ZNF385D: variants seen among roughly 807,000 people sequenced by gnomAD.
ZNF385D encodes the protein zinc finger protein 659.
ZNF385D carries 15 observed loss-of-function variants against 35.8 expected under a neutral mutation model. The ratio of observed to expected loss-of-function variants is 0.42; its 90% CI spans 0.28 to 0.64. The LOEUF is 0.64. ZNF385D is among the 30% of genes least tolerant of loss of function. The pLI, the probability that ZNF385D is intolerant of heterozygous loss-of-function variation, is 0.23. For synonymous variants in ZNF385D, 212 were observed against 186.8 expected, an observed-to-expected ratio of 1.13 and a Z score of -1.10; for missense variants, 474 against 494.6, an observed-to-expected ratio of 0.96 and a Z score of 0.39.
At chr3:21,893,432 C>G (rs773147089) in intron 3 of ZNF385D, among the ~76,000 whole-genome samples, 7 of 152,116 alleles carry the variant, frequency 4.6e-5, no homozygotes, top group Non-Finnish European at 8.8e-5. Context: ...TTTTACTGCA[C>G]TGGTCTGTGG....
At chr3:22,078,735 G>C (rs1700592534) in intron 3 of ZNF385D, among the ~76,000 whole-genome samples, 1 of 152,160 alleles carries the variant, frequency 6.6e-6, no homozygotes, top group Admixed American at 6.6e-5. Flanking sequence ...GTATTGGCAA[G>C]TTGCAGAAGT....
chr3:22,155,254 G>A (rs1354617066), intron 3 of ZNF385D, among the ~76,000 whole-genome samples: 2 of 151,974 alleles, frequency 1.3e-5, no homozygotes, highest in Non-Finnish European at 2.9e-5. Flanking sequence ...TGATTGCTGT[G>A]GTAAAGAAAT....
At chr3:21,727,266 A>G (rs1020512680) in intron 1 of ZNF385D, among the ~76,000 whole-genome samples, 8 of 152,326 alleles carry the variant, frequency 5.3e-5, no homozygotes, top group Admixed American at 6.5e-5. Context: ...GGCATGGGCA[A>G]AGAATTTATG....
At chr3:21,854,104 A>T (rs1410739934) in intron 3 of ZNF385D, among the ~76,000 whole-genome samples, 1 of 151,904 alleles carries the variant, frequency 6.6e-6, no homozygotes, top group African/African-American at 2.4e-5. Context: ...TAAACAAGAA[A>T]GATAGTACTG....
chr3:21,549,501 A>G lies in ZNF385D; in HGVS notation c.276+15073T>C, dbSNP rs535420412. Among the ~76,000 whole-genome samples, 66 of 152,322 alleles carry G rather than the reference A, an allele frequency of 4.3e-4. 2 individuals are homozygous for G. The South Asian group carries it at 0.013, about 31-fold the overall frequency. ...AAGGTTGTGAGATAAAATGTGTCCC[A>G]AATGCCAACTCAGAGTATAAGCCCT... is the stretch of plus-strand genomic sequence containing the variant. On this transcript the variant is annotated intron_variant, in intron 3 of 7. Coordinates refer to ENST00000281523, the MANE Select transcript of ZNF385D (RefSeq NM_024697.3).
chr3:21,895,016 T>A (rs1254057615), intron 3 of ZNF385D, among the ~76,000 whole-genome samples: 2 of 151,920 alleles, frequency 1.3e-5, no homozygotes, highest in Non-Finnish European at 2.9e-5. Flanking sequence ...GAAGTAGGAA[T>A]ACCACAGAGT....
intron 2 of ZNF385D, among the ~76,000 whole-genome samples, chr3:22,244,428 C>G (rs1057261853): frequency 1.5e-5 from 2 of 130,386 alleles, no homozygotes; most frequent in African/African-American, 2.8e-5. Flanking sequence ...AAATAAATAT[C>G]AAGTATATTC....
At chr3:21,858,390 G>A (rs886167594) in intron 3 of ZNF385D, among the ~76,000 whole-genome samples, 1 of 151,650 alleles carries the variant, frequency 6.6e-6, no homozygotes, top group Admixed American at 6.6e-5. Context: ...GAATGTTTAT[G>A]TCCCCCCTAC....
At chr3:21,652,177 A>T (rs2065935221) in intron 2 of ZNF385D, among the ~76,000 whole-genome samples, 1 of 152,214 alleles carries the variant, frequency 6.6e-6, no homozygotes, top group African/African-American at 2.4e-5. Context: ...TATCTTCATA[A>T]ACACATTTTC....
intron 2 of ZNF385D, among the ~76,000 whole-genome samples, chr3:21,653,326 T>C (rs1428746361): frequency 3.3e-5 from 5 of 151,930 alleles, no homozygotes; most frequent in Non-Finnish European, 7.4e-5. Flanking sequence ...AAATGAAGTA[T>C]ATCAGTTTCC....
chr3:21,864,315 G>T (rs1365276937), intron 3 of ZNF385D, among the ~76,000 whole-genome samples: 1 of 151,974 alleles, frequency 6.6e-6, no homozygotes, highest in African/African-American at 2.4e-5. Context: ...CCCCATTTAC[G>T]GTAAAAAGGG....
chr3:22,179,426 A>G (rs1695067448), intron 2 of ZNF385D, among the ~76,000 whole-genome samples: 1 of 152,238 alleles, frequency 6.6e-6, no homozygotes, highest in Non-Finnish European at 1.5e-5. Context: ...TGATTTTTGC[A>G]CACTGATTTT....
intron 3 of ZNF385D, among the ~76,000 whole-genome samples, chr3:21,935,791 G>C (rs950816736): frequency 1.3e-5 from 2 of 151,960 alleles, no homozygotes; most frequent in Non-Finnish European, 2.9e-5. Context: ...CTTGTTTTTC[G>C]TTGTGCATAA....
intron 2 of ZNF385D, among the ~76,000 whole-genome samples, chr3:22,368,628 G>A (rs1283099842): frequency 2.6e-5 from 4 of 152,096 alleles, no homozygotes; most frequent in Admixed American, 2.0e-4. Context: ...TCTGCAGATG[G>A]CTATCTTCTT....
rs528153831 is a variant in ZNF385D, at chr3:22,056,252, T to C, written c.325+112565A>G. On this transcript the variant is annotated intron_variant, in intron 3 of 5. Transcript: ENST00000494108. ...AACTAACCTGCACAATGTGCACATG[T>C]ACCCTAAAACTTAGAGTATAATAAA... 6.6e-3 allele frequency among the ~76,000 whole-genome samples: 78 copies of C among 11,880 alleles called. 10 individuals carry two copies. The highest frequency in any genetic ancestry group is 9.2e-3 in the Non-Finnish European group (66 of 7,156). 7.8% of individuals were successfully genotyped at this position (11,880 alleles called of 152,430 possible). A position where few individuals can be genotyped will look rare whatever the true frequency, so the allele number is the denominator to read the frequency against.
chr3:21,869,898 A>G (rs1172172531), intron 3 of ZNF385D, among the ~76,000 whole-genome samples: 1 of 152,096 alleles, frequency 6.6e-6, no homozygotes, highest in Non-Finnish European at 1.5e-5. Context: ...CAAATTAACA[A>G]TAGGGCATTC....
chr3:22,322,174 C>G (rs1694469517), intron 2 of ZNF385D, among the ~76,000 whole-genome samples: 1 of 152,160 alleles, frequency 6.6e-6, no homozygotes. Context: ...TCATACCATA[C>G]ATACAATTAC....
In ZNF385D at chr3:22,249,218, C is replaced by T. The variant is rs1400916130; in HGVS notation, c.107-80183G>A. Reference sequence around the variant, plus strand: ...ATGAGCATAATGCCATGGCTGCTGTCTTATACCACTAAGTTTTGGGAAGGA... The same window carrying T: ...ATGAGCATAATGCCATGGCTGCTGTTTTATACCACTAAGTTTTGGGAAGGA... On this transcript the variant is annotated intron_variant, in intron 2 of 5. Coordinates refer to the ZNF385D transcript ENST00000494108. Among the ~76,000 whole-genome samples the T allele has an allele frequency of 2.6e-5, 4 of 152,098 alleles. No homozygotes were observed. In the East Asian group the frequency reaches 7.7e-4, roughly 29 times the overall value.
intron 2 of ZNF385D, among the ~76,000 whole-genome samples, chr3:22,301,028 A>C (rs2125411808): frequency 6.6e-6 from 1 of 152,192 alleles, no homozygotes; most frequent in East Asian, 1.9e-4. Context: ...AAGATACAGA[A>C]ACAACCTAGG....
Sources: allele counts gnomAD v4.1 joint callset (sites outside exome capture counted in the v4.1 genomes callset), GRCh38; gene constraint gnomAD v4.1.1; transcripts MANE v1.5; gene names NCBI Gene and HGNC (gene_info 2026-07-23, HGNC 2026-07-21).